CYP3A7: variants seen among roughly 807,000 people sequenced by gnomAD.
The protein encoded by CYP3A7 is cytochrome P450 family 3 subfamily A member 7, also known as cytochrome P450 3A7.
Under a neutral mutation model 55.2 loss-of-function variants are expected in CYP3A7, and 45 were observed. The ratio of observed to expected loss-of-function variants is 0.82; its 90% CI spans 0.64 to 1.05. The LOEUF is 1.05. Among genes scored for constraint, CYP3A7 ranks in the 50% least tolerant of loss-of-function variants. The pLI, the probability that CYP3A7 is intolerant of heterozygous loss-of-function variation, is 0.00. For synonymous variants in CYP3A7, 180 were observed against 207.4 expected (o/e 0.87, Z 1.13); for missense variants, 548 against 605.3 (o/e 0.91, Z 0.99).
At position 99,710,838 on chromosome 7, in the gene CYP3A7, T is replaced by C; in HGVS notation, c.920A>G (p.Tyr307Cys). The C allele has an allele frequency of 6.2e-7, 1 of 1,613,830 alleles. No individual in the cohort carries two copies. Among genetic ancestry groups the C allele is most frequent in the Non-Finnish European group, 8.5e-7 (1 of 1,179,848 alleles). The change falls in exon 10 of 13, where the codon TAT (tyrosine) becomes TGT (cysteine). Residue 307 changes from tyrosine to cysteine, a missense_variant. Physicochemically the swap from Tyr to Cys is radical, Grantham distance 194 (BLOSUM62 -2). Coordinates refer to ENST00000336374, the MANE Select transcript of CYP3A7 (RefSeq NM_000765.5). ...AQSIIFIFAGYETTSSVLSFI... is the reference protein window; with the variant it reads ...AQSIIFIFAGCETTSSVLSFI... ...GGAGAGAACACTGCTCGTGGTTTCA[T>C]AGCCAGCAAAAATAAAGATAATTGA...
At position 99,713,347 on chromosome 7, in the gene CYP3A7, C is replaced by T. The variant is rs2151508855; in HGVS notation, c.865+122G>A. On this transcript the variant is annotated intron_variant, in intron 9 of 12. Coordinates refer to ENST00000336374, the MANE Select transcript of CYP3A7 (RefSeq NM_000765.5). Reference sequence around the variant, plus strand: ...CCAGCTACCATTTTAACATCCAAACCTGTGTCATTCTGCTATGTGGCAGAA... The same window carrying T: ...CCAGCTACCATTTTAACATCCAAACTTGTGTCATTCTGCTATGTGGCAGAA... 3.4e-6 allele frequency: 5 copies of T among 1,455,064 alleles called. No individual in the cohort carries two copies. In the South Asian group the frequency reaches 4.7e-5, roughly 14 times the overall value. The allele number at this position is 1,455,064 out of a possible 1,614,324, so 90.1% of individuals were successfully genotyped here.
At chr7:99,719,953 C>T (rs532226969) in intron 4 of CYP3A7, among the ~76,000 whole-genome samples, 1 of 152,296 alleles carries the variant, frequency 6.6e-6, no homozygotes, top group Admixed American at 6.5e-5. Flanking sequence ...GCCAAGACCA[C>T]ACCACTGTAC....
intron 9 of CYP3A7, among the ~76,000 whole-genome samples, chr7:99,711,634 G>T (rs547798270): frequency 6.6e-6 from 1 of 152,320 alleles, no homozygotes; most frequent in Admixed American, 6.5e-5. Flanking sequence ...CAGGCATGGT[G>T]ACGCATGCCT....
chr7:99,722,642 G>A (rs1424593240), intron 2 of CYP3A7, among the ~76,000 whole-genome samples: 7 of 152,106 alleles, frequency 4.6e-5, no homozygotes, highest in African/African-American at 1.4e-4. Context: ...TTTTTCATGT[G>A]TTGTCTCTAA....
chr7:99,709,359 A>C, intron 10 of CYP3A7, 98 bp from the exon 11 acceptor site: 3 of 1,513,784 alleles, frequency 2.0e-6, no homozygotes, highest in Non-Finnish European at 2.7e-6. Flanking sequence ...GTTCCAGAGA[A>C]CAACTCATAC....
intron 1 of CYP3A7, among the ~76,000 whole-genome samples, chr7:99,732,887 TA>T (rs5886113): frequency 0.048 from 7,362 of 152,272 alleles, 245 homozygotes; most frequent in Middle Eastern, 0.095. Context: ...TAAGTAACCA[TA>T]AAATGTTCCA....
chr7:99,729,920 C>T (rs1006336829), intron 2 of CYP3A7, among the ~76,000 whole-genome samples: 6 of 152,134 alleles, frequency 3.9e-5, no homozygotes, highest in South Asian at 2.1e-4. Flanking sequence ...TCTCCTCACA[C>T]GGACGCATGT....
At chr7:99,714,491 A>T in intron 8 of CYP3A7, 64 bp downstream of exon 8, 4 of 1,599,572 alleles carry the variant, frequency 2.5e-6, no homozygotes, top group Admixed American at 3.4e-5. Flanking sequence ...TGCACCGATC[A>T]TATGTATATT....
chr7:99,709,682 G>A (rs551938480), intron 10 of CYP3A7, among the ~76,000 whole-genome samples: 95 of 152,256 alleles, frequency 6.2e-4, no homozygotes, highest in Non-Finnish European at 1.1e-3. Context: ...TTCTCTGTGC[G>A]ACAAGGATTA....
intron 4 of CYP3A7, among the ~76,000 whole-genome samples, chr7:99,719,030 T>C (rs1338940921): frequency 1.3e-5 from 2 of 152,222 alleles, no homozygotes; most frequent in Non-Finnish European, 2.9e-5. Flanking sequence ...AGGCATACTA[T>C]GTTCATGAAT....
chr7:99,716,002 G>C, intron 6 of CYP3A7, 96 bp from the exon 7 acceptor site: 1 of 1,607,260 alleles, frequency 6.2e-7, no homozygotes, highest in Non-Finnish European at 8.5e-7. Flanking sequence ...AGTCAAGACA[G>C]ACAAACAGCC....
intron 10 of CYP3A7, 93 bp downstream of exon 10, chr7:99,710,639 T>C (rs1813711953): frequency 6.3e-7 from 1 of 1,597,900 alleles, no homozygotes; most frequent in Non-Finnish European, 8.5e-7. Flanking sequence ...ATCATGATTA[T>C]GCTTTTTATA....
chr7:99,733,143 G>T (rs1814691264), intron 1 of CYP3A7, among the ~76,000 whole-genome samples: 1 of 152,214 alleles, frequency 6.6e-6, no homozygotes. Context: ...CACAACCAGG[G>T]TGGCCTTGGG....
chr7:99,727,729 C>T (rs558678150), intron 2 of CYP3A7, among the ~76,000 whole-genome samples: 1 of 152,330 alleles, frequency 6.6e-6, no homozygotes, highest in African/African-American at 2.4e-5. Context: ...CCCCCCTCCA[C>T]TATCTCTCAG....
Position 99,720,367 on chromosome 7 carries a change from G to T in CYP3A7, c.264C>A (p.Asp88Glu). The T allele has an allele frequency of 6.2e-7, 1 of 1,613,746 alleles. No individual in the cohort carries two copies. Among genetic ancestry groups the T allele is most frequent in the Non-Finnish European group, 8.5e-7 (1 of 1,179,728 alleles). ...CTTTCACTAGCACTGTTTTGATCAT[G>T]TCGGGATCTGTGATAGCCAGCATAG... ...QQPMLAITDPDMIKTVLVKEC... is the reference protein window; with the variant it reads ...QQPMLAITDPEMIKTVLVKEC... Residue 88 changes from aspartate to glutamate, a missense_variant, in exon 4 of 13, where the codon GAC becomes GAA. Asp to Glu is a conservative substitution (Grantham distance 45). Transcript: ENST00000336374.
intron 6 of CYP3A7, 50 bp from the exon 7 acceptor site, chr7:99,715,956 C>A (rs1563022313): frequency 1.2e-6 from 2 of 1,612,172 alleles, no homozygotes; most frequent in Non-Finnish European, 1.7e-6. Flanking sequence ...CTTTACCATC[C>A]TTCCTCTATG....
chr7:99,731,181 A>C, intron 1 of CYP3A7, 29 bp from the exon 2 acceptor site: 3 of 1,612,652 alleles, frequency 1.9e-6, no homozygotes, highest in Non-Finnish European at 2.5e-6. Flanking sequence ...ATCAGGTCTC[A>C]GGGATTGTGA....
intron 2 of CYP3A7, among the ~76,000 whole-genome samples, chr7:99,728,219 A>G (rs1814486944): frequency 1.3e-5 from 2 of 152,150 alleles, no homozygotes; most frequent in African/African-American, 2.4e-5. Context: ...TTGTCATTTC[A>G]TGACCTCTTC....
intron 2 of CYP3A7, among the ~76,000 whole-genome samples, chr7:99,724,464 T>A (rs1301122960): frequency 6.6e-6 from 1 of 152,076 alleles, no homozygotes; most frequent in Non-Finnish European, 1.5e-5. Context: ...ATCCCAAATC[T>A]TTCTTCTTTC....
Sources: allele counts gnomAD v4.1 joint callset (sites outside exome capture counted in the v4.1 genomes callset), GRCh38; gene constraint gnomAD v4.1.1; transcripts MANE v1.5; gene names NCBI Gene and HGNC (gene_info 2026-07-23, HGNC 2026-07-21).